The following CNTN3 variants were observed in gnomAD, a reference collection of about 807,000 sequenced individuals.
CNTN3 encodes contactin-3.
In CNTN3, 60 loss-of-function variants were observed where a neutral mutation model predicts 119.1. The ratio of observed to expected loss-of-function variants is 0.50; its 90% CI spans 0.41 to 0.62. The LOEUF is 0.62. Among genes scored for constraint, CNTN3 ranks in the 20% least tolerant of loss-of-function variants. The probability of loss-of-function intolerance (pLI) is 0.00; values close to 1 mark genes in which losing one functional copy is unlikely to be tolerated. For synonymous variants in CNTN3, 450 were observed against 438.7 expected, an observed-to-expected ratio of 1.03 and a Z score of -0.32; for missense variants, 1,101 against 1,242.4, an observed-to-expected ratio of 0.89 and a Z score of 1.71.
intron 20 of CNTN3, 80 bp from the exon 21 acceptor site, chr3:74,267,458 A>G (rs2106742517): frequency 1.0e-6 from 1 of 977,272 alleles, no homozygotes; most frequent in Non-Finnish European, 1.6e-6. Flanking sequence ...CGGCTATCAT[A>G]GGAAGCTAGT....
intron 4 of CNTN3, among the ~76,000 whole-genome samples, chr3:74,454,457 CT>C (rs1386465792): frequency 2.0e-5 from 3 of 151,814 alleles, no homozygotes; most frequent in Non-Finnish European, 4.4e-5. Context: ...GGTCTTGACT[CT>C]TTATCCAATT....
intron 1 of CNTN3, among the ~76,000 whole-genome samples, chr3:74,541,861 A>G (rs9836097): frequency 0.95 from 144,111 of 152,318 alleles, 68,187 homozygotes; most frequent in East Asian, 1. Flanking sequence ...GTAGAATACA[A>G]TGGAAAATTG....
chr3:74,503,859 C>T (rs982549178), intron 2 of CNTN3, among the ~76,000 whole-genome samples: 1 of 152,136 alleles, frequency 6.6e-6, no homozygotes, highest in Admixed American at 6.6e-5. Flanking sequence ...ATCAGACTTC[C>T]GAACAGGACT....
chr3:74,316,880 A>T (rs1400086612), intron 13 of CNTN3, among the ~76,000 whole-genome samples: 3 of 151,520 alleles, frequency 2.0e-5, no homozygotes, highest in African/African-American at 7.3e-5. Flanking sequence ...ATCAGCCGAG[A>T]CCGCACCACT....
At chr3:74,372,851 A>G (rs1326671917) in intron 5 of CNTN3, among the ~76,000 whole-genome samples, 3 of 152,142 alleles carry the variant, frequency 2.0e-5, no homozygotes, top group African/African-American at 4.8e-5. Context: ...ACAAGCAGGG[A>G]TAAAAGCACT....
At chr3:74,442,261 T>G (rs903862649) in intron 4 of CNTN3, among the ~76,000 whole-genome samples, 5 of 152,044 alleles carry the variant, frequency 3.3e-5, no homozygotes, top group Non-Finnish European at 5.9e-5. Flanking sequence ...CAGTCTCTTC[T>G]CCTCTGGCTA....
chr3:74,450,103 T>C (rs531883776), intron 4 of CNTN3, among the ~76,000 whole-genome samples: 8 of 152,178 alleles, frequency 5.3e-5, no homozygotes, highest in African/African-American at 7.2e-5. Flanking sequence ...GAAAATGAAA[T>C]GAATTAAGTT....
At chr3:74,416,144 G>A (rs1701516636) in intron 5 of CNTN3, among the ~76,000 whole-genome samples, 1 of 152,278 alleles carries the variant, frequency 6.6e-6, no homozygotes, top group South Asian at 2.1e-4. Context: ...CTAAAGTGGG[G>A]TTCAGATATT....
intron 11 of CNTN3, among the ~76,000 whole-genome samples, chr3:74,361,030 A>C (rs1704061279): frequency 6.6e-6 from 1 of 152,184 alleles, no homozygotes. Flanking sequence ...ACAGGTTTCT[A>C]GGATAAGGAG....
chr3:74,459,914 T>C (rs1702335051), intron 4 of CNTN3, among the ~76,000 whole-genome samples: 1 of 152,096 alleles, frequency 6.6e-6, no homozygotes, highest in Admixed American at 6.6e-5. Context: ...TCTGTAACTT[T>C]TTTCAGTTAA....
intron 5 of CNTN3, among the ~76,000 whole-genome samples, chr3:74,410,984 C>T (rs1207862961): frequency 6.6e-6 from 1 of 152,104 alleles, no homozygotes; most frequent in Non-Finnish European, 1.5e-5. Context: ...ACTGACTCTA[C>T]TTACTCACTG....
intron 2 of CNTN3, among the ~76,000 whole-genome samples, chr3:74,510,283 C>T (rs970589148): frequency 6.6e-6 from 1 of 151,932 alleles, no homozygotes; most frequent in African/African-American, 2.4e-5. Flanking sequence ...GAACATATAA[C>T]GGAAGCGAAT....
At chr3:74,270,122 G>A (rs1007023565) in intron 20 of CNTN3, among the ~76,000 whole-genome samples, 1 of 152,152 alleles carries the variant, frequency 6.6e-6, no homozygotes, top group African/African-American at 2.4e-5. Flanking sequence ...CACCTTGAGA[G>A]GATTATGCTT....
chr3:74,593,207 T>C (rs1385814364), intron 1 of CNTN3, among the ~76,000 whole-genome samples: 1 of 151,958 alleles, frequency 6.6e-6, no homozygotes, highest in Non-Finnish European at 1.5e-5. Flanking sequence ...TAATGACTTT[T>C]TGGGGTTTGA....
At chr3:74,452,876 A>T (rs921604077) in intron 4 of CNTN3, among the ~76,000 whole-genome samples, 1 of 151,712 alleles carries the variant, frequency 6.6e-6, no homozygotes, top group Non-Finnish European at 1.5e-5. Context: ...CCACTTGATC[A>T]TGGTGGATAA....
At chr3:74,278,198 A>C (rs1456370496) in intron 20 of CNTN3, among the ~76,000 whole-genome samples, 1 of 152,116 alleles carries the variant, frequency 6.6e-6, no homozygotes, top group African/African-American at 2.4e-5. Flanking sequence ...ACCAAAAACA[A>C]TCTACAAATT....
intron 4 of CNTN3, among the ~76,000 whole-genome samples, chr3:74,451,115 T>G (rs938442640): frequency 6.6e-6 from 1 of 152,154 alleles, no homozygotes; most frequent in South Asian, 2.1e-4. Flanking sequence ...GTTGAACTAG[T>G]TTACAGTCCC....
At chr3:74,407,141 C>T (rs1434007187) in intron 5 of CNTN3, among the ~76,000 whole-genome samples, 1 of 151,598 alleles carries the variant, frequency 6.6e-6, no homozygotes, top group East Asian at 1.9e-4. Flanking sequence ...TTCTATTTTT[C>T]TATGTAATGC....
At chr3:74,329,869 G>C (rs1703218729) in intron 13 of CNTN3, among the ~76,000 whole-genome samples, 1 of 152,140 alleles carries the variant, frequency 6.6e-6, no homozygotes, top group African/African-American at 2.4e-5. Context: ...ATGTGAAATA[G>C]TGTACACATT....
Sources: allele counts gnomAD v4.1 joint callset (sites outside exome capture counted in the v4.1 genomes callset), GRCh38; gene constraint gnomAD v4.1.1; transcripts MANE v1.5; gene names NCBI Gene and HGNC (gene_info 2026-07-23, HGNC 2026-07-21).